Variants in SHQ1 observed in about 807,000 individuals in gnomAD.
SHQ1 encodes the protein SHQ1, H/ACA ribonucleoprotein assembly factor.
SHQ1 carries 49 observed loss-of-function variants against 53.8 expected under a neutral mutation model. The observed-to-expected ratio is 0.91, with a 90% confidence interval of 0.72 to 1.16. The LOEUF (loss-of-function observed/expected upper bound fraction) is 1.16, where lower values mean the gene tolerates loss of function less well. SHQ1 is among the 50% of genes most tolerant of loss of function. The pLI, the probability that SHQ1 is intolerant of heterozygous loss-of-function variation, is 0.00. For missense variants in SHQ1, 738 were observed against 683.1 expected (o/e 1.08, Z -0.90); for synonymous variants, 243 against 251.0 (o/e 0.97, Z 0.30).
At chr3:72,803,322 T>C (rs1037169333) in intron 9 of SHQ1, among the ~76,000 whole-genome samples, 2 of 152,224 alleles carry the variant, frequency 1.3e-5, no homozygotes, top group Admixed American at 1.3e-4. Flanking sequence ...TCGAGCCATG[T>C]ATCTCTTCAG....
intron 5 of SHQ1, among the ~76,000 whole-genome samples, chr3:72,826,607 T>C (rs1236471785): frequency 3.3e-5 from 5 of 152,104 alleles, no homozygotes; most frequent in Non-Finnish European, 2.9e-5. Context: ...CAAAATGCTA[T>C]GACATATCAG....
chr3:72,787,586 T>C (rs974118638), intron 10 of SHQ1, among the ~76,000 whole-genome samples: 1 of 152,218 alleles, frequency 6.6e-6, no homozygotes, highest in Non-Finnish European at 1.5e-5. Context: ...AAAAACTCTG[T>C]AATGGATATT....
intron 10 of SHQ1, among the ~76,000 whole-genome samples, chr3:72,785,823 A>AT (rs1324842954): frequency 1.3e-5 from 2 of 152,130 alleles, no homozygotes; most frequent in Non-Finnish European, 2.9e-5. Flanking sequence ...ACCAGAGAAC[A>AT]TTTTTTATGT....
At chr3:72,779,932 C>G (rs1706037475) in intron 10 of SHQ1, among the ~76,000 whole-genome samples, 1 of 152,118 alleles carries the variant, frequency 6.6e-6, no homozygotes, top group Admixed American at 6.5e-5. Flanking sequence ...AAGGTTGGAT[C>G]TTTCTGATAA....
At chr3:72,727,695 G>A in the SHQ1 span, among the ~76,000 whole-genome samples, 1 of 152,166 alleles carries the variant, frequency 6.6e-6, no homozygotes, top group Admixed American at 6.5e-5. Flanking sequence ...TCATACCTCA[G>A]CTAATGAAAC....
At chr3:72,778,291 C>T (rs1358668662) in intron 10 of SHQ1, among the ~76,000 whole-genome samples, 1 of 151,960 alleles carries the variant, frequency 6.6e-6, no homozygotes, top group East Asian at 1.9e-4. Context: ...AAGACTCTAT[C>T]TCTACAAAAA....
At chr3:72,753,530 C>G in intron 10 of SHQ1, 2 of 985,416 alleles carry the variant, frequency 2.0e-6, no homozygotes, top group Non-Finnish European at 2.4e-6. Context: ...AGAAGCACCA[C>G]TGCAGTGTCC....
At chr3:72,756,572 C>A (rs1217305697) in intron 10 of SHQ1, among the ~76,000 whole-genome samples, 4 of 152,198 alleles carry the variant, frequency 2.6e-5, no homozygotes, top group African/African-American at 9.6e-5. Context: ...AGCCACCATG[C>A]CTGGCTAGTT....
chr3:72,802,084 T>C (rs1706805476), intron 9 of SHQ1, among the ~76,000 whole-genome samples: 1 of 152,186 alleles, frequency 6.6e-6, no homozygotes, highest in Non-Finnish European at 1.5e-5. Flanking sequence ...TTCTTAAGAA[T>C]TGCTATGGAA....
chr3:72,803,088 G>C (rs2106828404), intron 9 of SHQ1, among the ~76,000 whole-genome samples: 1 of 152,294 alleles, frequency 6.6e-6, no homozygotes, highest in East Asian at 1.9e-4. Flanking sequence ...GTATGAGAAA[G>C]ACACGCTGGC....
rs117525016 is a variant in SHQ1, at chr3:72,807,691, C to T, written c.1060+4980G>A. ...CCAAACTTGGAGCTCATACAATACA[C>T]TTGCCAAACCTCAATGTTTTAAACA... On this transcript the variant is annotated intron_variant, in intron 9 of 10. Coordinates refer to ENST00000325599, the MANE Select transcript of SHQ1 (RefSeq NM_018130.3). 2.4e-4 allele frequency among the ~76,000 whole-genome samples: 37 copies of T among 152,350 alleles called. 2 individuals are homozygous for T. The East Asian group carries it at 7.1e-3, about 29-fold the overall frequency.
chr3:72,767,653 CTT>C (rs1289013729), intron 10 of SHQ1, among the ~76,000 whole-genome samples: 1 of 152,174 alleles, frequency 6.6e-6, no homozygotes, highest in African/African-American at 2.4e-5. Flanking sequence ...GGCAAAAACT[CTT>C]CTATAATTAG....
Position 72,848,200 on chromosome 3 carries a change from G to C in SHQ1, c.141C>G (p.Leu47=). The C allele has an allele frequency of 6.2e-7, 1 of 1,614,222 alleles. No homozygotes were observed. The highest frequency in any genetic ancestry group is 1.1e-5 in the South Asian group (1 of 91,086). ...GCGGCCAGGCACCCCGAACTCGCCTGAGAAAGTATGGCTTGGCGTAGAACT... is the reference window on the plus strand; with the variant it reads ...GCGGCCAGGCACCCCGAACTCGCCTCAGAAAGTATGGCTTGGCGTAGAACT... ...DFKFYAKPYF[L]RLTLPGRIVE... Residue 47 remains leucine, a splice_region_variant and synonymous_variant, in exon 1 of 11, where the codon CTC becomes CTG. Coordinates refer to ENST00000325599, the MANE Select transcript of SHQ1 (RefSeq NM_018130.3).
chr3:72,752,879 G>A, intron 10 of SHQ1: 2 of 542,744 alleles, frequency 3.7e-6, no homozygotes, highest in Non-Finnish European at 4.7e-6. Context: ...TGGCCGAGAT[G>A]GTCTTGATCT....
At chr3:72,832,278 T>G in intron 5 of SHQ1, 91 bp downstream of exon 5, 1 of 882,376 alleles carries the variant, frequency 1.1e-6, no homozygotes, top group Non-Finnish European at 1.9e-6. Flanking sequence ...GAATCCGAAA[T>G]GCACATCCCT....
chr3:72,781,051 CTCTT>C (rs1380209734), intron 10 of SHQ1, among the ~76,000 whole-genome samples: 1 of 149,498 alleles, frequency 6.7e-6, no homozygotes, highest in Non-Finnish European at 1.5e-5. Context: ...CAATTTTCTT[CTCTT>C]TTTTTTTTTC....
At chr3:72,782,435 C>T (rs1706097434) in intron 10 of SHQ1, among the ~76,000 whole-genome samples, 1 of 152,144 alleles carries the variant, frequency 6.6e-6, no homozygotes, top group African/African-American at 2.4e-5. Context: ...CAAGAAGGTC[C>T]TTTTCCAACA....
At chr3:72,804,284 T>G (rs1156694080) in intron 9 of SHQ1, among the ~76,000 whole-genome samples, 1 of 152,092 alleles carries the variant, frequency 6.6e-6, no homozygotes, top group Non-Finnish European at 1.5e-5. Context: ...CACTTATATT[T>G]TGTTTTTGTT....
At chr3:72,822,379 C>A (rs1221500183) in intron 6 of SHQ1, among the ~76,000 whole-genome samples, 1 of 152,162 alleles carries the variant, frequency 6.6e-6, no homozygotes, top group Non-Finnish European at 1.5e-5. Flanking sequence ...GTCAGGAGGG[C>A]AGGTGGTTAA....
Sources: allele counts gnomAD v4.1 joint callset (sites outside exome capture counted in the v4.1 genomes callset), GRCh38; gene constraint gnomAD v4.1.1; transcripts MANE v1.5; gene names NCBI Gene and HGNC (gene_info 2026-07-23, HGNC 2026-07-21).